UST: variants seen among roughly 807,000 people sequenced by gnomAD.
UST encodes chondroitin sulfate 2-O-sulfotransferase.
UST carries 21 observed loss-of-function variants against 45.6 expected under a neutral mutation model. The ratio of observed to expected loss-of-function variants is 0.46; its 90% CI spans 0.33 to 0.66. The LOEUF (loss-of-function observed/expected upper bound fraction) is 0.66. Among genes scored for constraint, UST ranks in the 30% least tolerant of loss-of-function variants. The probability of loss-of-function intolerance (pLI) is 0.02; values close to 1 mark genes in which losing one functional copy is unlikely to be tolerated. For missense variants in UST, 463 were observed against 512.4 expected, an observed-to-expected ratio of 0.90 and a Z score of 0.93; for synonymous variants, 215 against 200.6, an observed-to-expected ratio of 1.07 and a Z score of -0.61.
intron 1 of UST, among the ~76,000 whole-genome samples, chr6:148,804,393 G>C (rs1777109937): frequency 6.6e-6 from 1 of 152,132 alleles, no homozygotes; most frequent in Admixed American, 6.5e-5. Flanking sequence ...GTGTGTGTGA[G>C]GGGGGGTCAT....
chr6:148,912,225 CTCTA>C (rs1253243456), intron 2 of UST, among the ~76,000 whole-genome samples: 2 of 149,522 alleles, frequency 1.3e-5, no homozygotes, highest in Admixed American at 6.6e-5. Flanking sequence ...AATTGGAATA[CTCTA>C]TCTATGCGTC....
intron 2 of UST, among the ~76,000 whole-genome samples, chr6:148,903,356 G>T (rs1468170020): frequency 6.6e-6 from 1 of 152,106 alleles, no homozygotes; most frequent in East Asian, 1.9e-4. Flanking sequence ...GTTATAGACA[G>T]TATCTTTCTT....
chr6:148,900,583 A>G (rs1273117017), intron 2 of UST, among the ~76,000 whole-genome samples: 1 of 152,206 alleles, frequency 6.6e-6, no homozygotes, highest in Non-Finnish European at 1.5e-5. Context: ...CTGTGAGTCC[A>G]TTAAACCTCT....
intron 1 of UST, among the ~76,000 whole-genome samples, chr6:148,857,014 A>G (rs1350758154): frequency 1.3e-5 from 2 of 149,804 alleles, no homozygotes; most frequent in African/African-American, 2.4e-5. Flanking sequence ...TACATAATAT[A>G]TAAACTATAT....
chr6:148,932,726 T>C (rs565347244), intron 2 of UST, among the ~76,000 whole-genome samples: 1 of 152,272 alleles, frequency 6.6e-6, no homozygotes, highest in Admixed American at 6.5e-5. Context: ...CTTGTGAAAA[T>C]TGCTTCTTTG....
chr6:148,773,926 G>A (rs560794188), intron 1 of UST, among the ~76,000 whole-genome samples: 1 of 152,316 alleles, frequency 6.6e-6, no homozygotes, highest in South Asian at 2.1e-4. Context: ...CTGAGAACTT[G>A]TCTTGCGGCC....
Position 148,964,533 on chromosome 6 carries a change from C to A in UST, c.651C>A (p.Thr217=). Residue 217 remains threonine (T), a synonymous_variant, in exon 5 of 8, where the codon ACC becomes ACA. Coordinates refer to ENST00000367463, the MANE Select transcript of UST (RefSeq NM_005715.3). ...GGGAACAAAATCACATGATCCGCAC[C>A]CCCAGCATGAGGCAGGAGGAGCGCT... ...WRGEQNHMIR[T]PSMRQEERYL... is the part of the protein sequence containing the mutation. 6.2e-7 allele frequency: 1 copy of A among 1,613,974 alleles called. No individual in the cohort carries two copies. The highest frequency in any genetic ancestry group is 2.2e-5 in the East Asian group (1 of 44,846).
intron 5 of UST, among the ~76,000 whole-genome samples, chr6:148,984,520 T>G (rs566422047): frequency 6.6e-6 from 1 of 152,302 alleles, no homozygotes; most frequent in South Asian, 2.1e-4. Context: ...GGATTTGCAT[T>G]TATTTATTTA....
intron 1 of UST, among the ~76,000 whole-genome samples, chr6:148,846,533 C>G (rs945045033): frequency 1.3e-5 from 2 of 151,812 alleles, no homozygotes; most frequent in Non-Finnish European, 2.9e-5. Flanking sequence ...ACCAGCATGG[C>G]ACATGTATAC....
intron 7 of UST, among the ~76,000 whole-genome samples, chr6:149,030,653 A>G (rs943118904): frequency 3.3e-5 from 5 of 150,676 alleles, no homozygotes; most frequent in East Asian, 1.9e-4. Flanking sequence ...GATATTCTCT[A>G]TAAAGATTTT....
At chr6:148,878,734 G>A (rs994962179) in intron 1 of UST, among the ~76,000 whole-genome samples, 1 of 94,170 alleles carries the variant, frequency 1.1e-5, no homozygotes, top group East Asian at 3.2e-4. Flanking sequence ...AGGGGATCAT[G>A]TATGAGTCGG....
intron 1 of UST, among the ~76,000 whole-genome samples, chr6:148,844,975 A>C (rs958993770): frequency 1.1e-4 from 17 of 151,984 alleles, no homozygotes; most frequent in African/African-American, 3.6e-4. Context: ...TGTTTTTTTT[A>C]ATGGCTGCAT....
At chr6:149,069,261 G>C (rs1050965282) in intron 7 of UST, among the ~76,000 whole-genome samples, 5 of 152,176 alleles carry the variant, frequency 3.3e-5, no homozygotes, top group African/African-American at 1.2e-4. Flanking sequence ...TAGATACATA[G>C]TAGAAGGGTT....
Position 148,923,975 on chromosome 6 carries a change from G to A in UST, c.292-17304G>A, listed in dbSNP as rs142237840. Among the ~76,000 whole-genome samples the A allele has an allele frequency of 3.3e-5, 5 of 152,184 alleles. No individual in the cohort carries two copies. The East Asian group carries it at 9.7e-4, about 29-fold the overall frequency. The stretch of plus-strand genomic sequence containing the variant: ...GTGATATTTCCTTCTGATGACTATA[G>A]CCCTCTTATGGTATTGTGATGATTC... On this transcript the variant is annotated intron_variant, in intron 2 of 7. Transcript: ENST00000367463.
intron 7 of UST, among the ~76,000 whole-genome samples, chr6:149,040,909 A>G (rs1776304595): frequency 6.6e-6 from 1 of 152,166 alleles, no homozygotes; most frequent in African/African-American, 2.4e-5. Flanking sequence ...CATAGTAGAG[A>G]CAGGCACTCT....
chr6:149,015,750 A>G (rs1775887457), intron 5 of UST, among the ~76,000 whole-genome samples: 3 of 152,272 alleles, frequency 2.0e-5, no homozygotes, highest in African/African-American at 7.2e-5. Context: ...TTGTAAAACA[A>G]TGCAGGATAA....
At chr6:149,021,576 A>T in intron 7 of UST, 95 bp downstream of exon 7, 1 of 1,429,696 alleles carries the variant, frequency 7.0e-7, no homozygotes, top group Admixed American at 2.0e-5. Flanking sequence ...GAGTGAAATG[A>T]TCTCTTCTGA....
At chr6:149,023,231 A>G (rs367859247) in intron 7 of UST, among the ~76,000 whole-genome samples, 16 of 151,914 alleles carry the variant, frequency 1.1e-4, no homozygotes, top group Admixed American at 1.1e-3. Flanking sequence ...GACACATAAG[A>G]TGAACACTCT....
rs1457903088 is a variant in UST at position 148,785,937 on chromosome 6, G to T, written c.247+38260G>T. On this transcript the variant is annotated intron_variant, in intron 1 of 7. Transcript: ENST00000367463. ...ATACAGAAGTAGAATTATAGAATTT[G>T]TTTTTATGGGTATTTTGAGGGGTAG... Among the ~76,000 whole-genome samples, 6 of 152,300 alleles carry T rather than the reference G, an allele frequency of 3.9e-5. No individual in the cohort carries two copies. In the Middle Eastern group the frequency reaches 0.014, roughly 345 times the overall value.
Sources: allele counts gnomAD v4.1 joint callset (sites outside exome capture counted in the v4.1 genomes callset), GRCh38; gene constraint gnomAD v4.1.1; transcripts MANE v1.5; gene names NCBI Gene and HGNC (gene_info 2026-07-23, HGNC 2026-07-21).